The following GLRX3 variants were observed in gnomAD, a reference collection of about 807,000 sequenced individuals.
The protein encoded by GLRX3 is glutaredoxin-3.
In GLRX3, 22 loss-of-function variants were observed where a neutral mutation model predicts 49.5. The observed-to-expected ratio is 0.44, with a 90% CI of 0.32 to 0.63. The LOEUF (loss-of-function observed/expected upper bound fraction) is 0.63, where lower values mean the gene tolerates loss of function less well. Ranked by LOEUF, GLRX3 falls within the 30% of genes least tolerant of loss-of-function variation. GLRX3 has a pLI of 0.05. For synonymous variants in GLRX3, 133 were observed against 140.0 expected, an observed-to-expected ratio of 0.95 and a Z score of 0.35; for missense variants, 385 against 396.3, an observed-to-expected ratio of 0.97 and a Z score of 0.24.
chr10:130,174,108 A>T (rs974614182), intron 8 of GLRX3, among the ~76,000 whole-genome samples: 1 of 152,230 alleles, frequency 6.6e-6, no homozygotes, highest in African/African-American at 2.4e-5. Flanking sequence ...CATTTTTTGT[A>T]CAAGTAATGT....
chr10:130,157,597 G>A (rs1454699494), intron 2 of GLRX3, among the ~76,000 whole-genome samples: 1 of 138,532 alleles, frequency 7.2e-6, no homozygotes, highest in Non-Finnish European at 1.5e-5. Flanking sequence ...CACCCTCACA[G>A]CCATGCCCAG....
chr10:130,167,415 C>T (rs778518286), intron 6 of GLRX3, among the ~76,000 whole-genome samples: 10 of 152,082 alleles, frequency 6.6e-5, no homozygotes, highest in African/African-American at 1.2e-4. Flanking sequence ...CTCATCACCT[C>T]GCAACAAGCT....
intron 2 of GLRX3, among the ~76,000 whole-genome samples, chr10:130,150,370 A>AGGATTTT (rs1221163927): frequency 2.6e-5 from 4 of 152,126 alleles, no homozygotes; most frequent in African/African-American, 9.7e-5. Context: ...AGGCCATAGT[A>AGGATTTT]TACTCATTTT....
In GLRX3 at chr10:130,136,395, G is replaced by C; in HGVS notation, c.-26G>C. On this transcript the variant is annotated 5_prime_UTR_variant, in exon 1 of 11. Transcript: ENST00000331244. ...CGCCCACATCCGGCCGCCGGCACTGGATTGCTTCTGTCTGGCGGCGGCAGC... is the reference window on the plus strand; with the variant it reads ...CGCCCACATCCGGCCGCCGGCACTGCATTGCTTCTGTCTGGCGGCGGCAGC... 7.2e-6 allele frequency: 9 copies of C among 1,247,244 alleles called. No homozygotes were observed. The highest frequency in any genetic ancestry group is 8.1e-6 in the Non-Finnish European group (8 of 990,320). The allele number at this position is 1,247,244 out of a possible 1,614,324, so 77.3% of individuals were successfully genotyped here.
At position 130,160,867 on chromosome 10, in the gene GLRX3, A is replaced by G. The variant is rs763352479; in HGVS notation, c.348A>G (p.Ala116=). 6.2e-7 allele frequency: 1 copy of G among 1,610,738 alleles called. No homozygotes were observed. Among genetic ancestry groups the G allele is most frequent in the Non-Finnish European group, 8.5e-7 (1 of 1,176,904 alleles). ...PELTKKVQRH[A]SSGSFLPSAN... ...TGACCAAAAAAGTTCAGCGACATGC[A>G]TCTAGTGGCTCCTTCCTACCCAGCG... The change falls in exon 4 of 11, where the codon GCA becomes GCG. Residue 116 remains alanine (A), a synonymous_variant. Transcript: ENST00000331244.
intron 8 of GLRX3, among the ~76,000 whole-genome samples, chr10:130,173,298 C>T (rs1300792723): frequency 1.3e-5 from 2 of 152,120 alleles, no homozygotes; most frequent in East Asian, 1.9e-4. Flanking sequence ...TGAAAGCACC[C>T]TGTTGTCGCA....
At chr10:130,159,531 C>T (rs1477268139) in intron 2 of GLRX3, among the ~76,000 whole-genome samples, 2 of 152,124 alleles carry the variant, frequency 1.3e-5, no homozygotes, top group Non-Finnish European at 2.9e-5. Context: ...GTCCTTTTTG[C>T]TTCATAATTT....
chr10:130,157,223 A>C (rs1862487176), intron 2 of GLRX3, among the ~76,000 whole-genome samples: 1 of 151,928 alleles, frequency 6.6e-6, no homozygotes, highest in African/African-American at 2.4e-5. Flanking sequence ...TCCAAGTCTG[A>C]AGGCCTGAGA....
chr10:130,166,395 A>T, intron 4 of GLRX3, 112 bp from the exon 5 acceptor site: 1 of 684,276 alleles, frequency 1.5e-6, no homozygotes, highest in Non-Finnish European at 2.5e-6. Flanking sequence ...CCAGCAAAAT[A>T]AGGCAGGCGT....
chr10:130,165,831 C>G (rs572315291), intron 4 of GLRX3, among the ~76,000 whole-genome samples: 2 of 152,244 alleles, frequency 1.3e-5, no homozygotes, highest in Admixed American at 6.5e-5. Flanking sequence ...TTTCATCTGC[C>G]CAGAATTGAT....
intron 2 of GLRX3, 21 bp downstream of exon 2, chr10:130,145,340 T>G: frequency 9.4e-7 from 1 of 1,063,564 alleles, no homozygotes; most frequent in Non-Finnish European, 1.5e-6. Flanking sequence ...TTCAATGTCA[T>G]GTCTTTTGTG....
intron 2 of GLRX3, among the ~76,000 whole-genome samples, chr10:130,152,104 C>T (rs575094714): frequency 2.2e-4 from 33 of 152,112 alleles, no homozygotes; most frequent in African/African-American, 7.2e-4. Context: ...CTGCAACTTC[C>T]GCCTTCCAGG....
At chr10:130,146,743 A>C (rs79806413) in intron 2 of GLRX3, among the ~76,000 whole-genome samples, 2,342 of 152,338 alleles carry the variant, frequency 0.015, 81 homozygotes, top group African/African-American at 0.053. Context: ...TTCAGAGTAC[A>C]TGTTACCCAA....
rs1317269584 is a variant in GLRX3, at chr10:130,175,898, G to A, written c.957+809G>A. ...ATCGAGGAGGGTGGTAGCTGGTTGG[G>A]TATAGAGAGGAGCTAGACAGGAATG... is the stretch of plus-strand genomic sequence containing the variant. On this transcript the variant is annotated intron_variant, in intron 10 of 10. Coordinates refer to ENST00000331244, the MANE Select transcript of GLRX3 (RefSeq NM_006541.5). Among the ~76,000 whole-genome samples, 10 of 152,154 alleles carry A rather than the reference G, an allele frequency of 6.6e-5. No homozygotes were observed. In the South Asian group the frequency reaches 1.9e-3, roughly 28 times the overall value.
At chr10:130,172,390 G>T (rs535648428) in intron 8 of GLRX3, among the ~76,000 whole-genome samples, 3 of 152,302 alleles carry the variant, frequency 2.0e-5, no homozygotes, top group African/African-American at 4.8e-5. Flanking sequence ...GTGCTCAGTG[G>T]TGAAGCTGTC....
At chr10:130,143,451 G>A (rs1009715198) in intron 1 of GLRX3, among the ~76,000 whole-genome samples, 2 of 152,028 alleles carry the variant, frequency 1.3e-5, no homozygotes, top group Non-Finnish European at 2.9e-5. Context: ...AGATATCTTT[G>A]CCAAGATAAT....
intron 2 of GLRX3, among the ~76,000 whole-genome samples, chr10:130,148,976 T>G (rs935323988): frequency 1.9e-4 from 29 of 152,222 alleles, no homozygotes; most frequent in African/African-American, 6.3e-4. Flanking sequence ...GAGGATTGCT[T>G]AAGTCCAGGA....
rs1385348207 is a variant in GLRX3 at position 130,145,211 on chromosome 10, G to A, written c.93G>A (p.Lys31=). The change falls in exon 2 of 11, where the codon AAG becomes AAA. Residue 31 remains lysine, a splice_region_variant and synonymous_variant. Coordinates refer to ENST00000331244, the MANE Select transcript of GLRX3 (RefSeq NM_006541.5). ...ATAAATGCATTTAATTGATTTACAG[G>A]TCCCTCCTTGTGGTCCATTTCTGGG... ...QFEELLRLKA[K]SLLVVHFWAP... The A allele has an allele frequency of 2.4e-6, 3 of 1,265,736 alleles. No individual in the cohort carries two copies. Among genetic ancestry groups the A allele is most frequent in the East Asian group, 4.8e-5 (2 of 41,704 alleles). 78.4% of individuals were successfully genotyped at this position (1,265,736 alleles called of 1,614,324 possible).
At position 130,161,582 on chromosome 10, in the gene GLRX3, G is replaced by C. The variant is rs566308015; in HGVS notation, c.478+585G>C. Among the ~76,000 whole-genome samples the C allele has an allele frequency of 9.9e-5, 15 of 152,282 alleles. No individual in the cohort carries two copies. In the South Asian group the frequency reaches 3.1e-3, roughly 32 times the overall value. On this transcript the variant is annotated intron_variant, in intron 4 of 10. Transcript: ENST00000331244. ...TGGAAAGATTCCGAATTCTTGGCTTGTAGTCACTCTTATTTTCTGTACACA... is the reference window on the plus strand; with the variant it reads ...TGGAAAGATTCCGAATTCTTGGCTTCTAGTCACTCTTATTTTCTGTACACA...
Sources: allele counts gnomAD v4.1 joint callset (sites outside exome capture counted in the v4.1 genomes callset), GRCh38; gene constraint gnomAD v4.1.1; transcripts MANE v1.5; gene names NCBI Gene and HGNC (gene_info 2026-07-23, HGNC 2026-07-21).